The following SYCP2L variants were observed in gnomAD, a reference collection of about 807,000 sequenced individuals.
SYCP2L encodes synaptonemal complex protein 2-like.
In SYCP2L, 98 loss-of-function variants were observed where a neutral mutation model predicts 125.8. The observed-to-expected ratio is 0.78, with a 90% confidence interval of 0.66 to 0.92. The LOEUF (loss-of-function observed/expected upper bound fraction) is 0.92. Ranked by LOEUF, SYCP2L falls within the 40% of genes least tolerant of loss-of-function variation. SYCP2L has a pLI of 0.00. For synonymous variants in SYCP2L, 317 were observed against 325.4 expected (o/e 0.97, Z 0.28); for missense variants, 842 against 936.4 (o/e 0.90, Z 1.32).
intron 25 of SYCP2L, among the ~76,000 whole-genome samples, chr6:10,958,145 T>G: frequency 6.7e-6 from 1 of 150,044 alleles, no homozygotes; most frequent in Admixed American, 6.5e-5. Context: ...ATTCATTGTG[T>G]GTATTGGTAG....
At position 10,924,648 on chromosome 6, in the gene SYCP2L, G is replaced by A. The variant is rs1463925529; in HGVS notation, c.1218+7G>A. ...TTTAGGAGAAGACAAACAGGTGGCA[G>A]GTTTCATTCTTTTGGATTATTTAAA... On this transcript the variant is annotated splice_region_variant and intron_variant, in intron 15 of 29. Coordinates refer to ENST00000283141, the MANE Select transcript of SYCP2L (RefSeq NM_001040274.3). 9 of 1,543,904 alleles carry A rather than the reference G, an allele frequency of 5.8e-6. No individual in the cohort carries two copies. The highest frequency in any genetic ancestry group is 7.8e-6 in the Non-Finnish European group (9 of 1,154,244).
chr6:10,906,678 G>C (rs9393764), intron 9 of SYCP2L, among the ~76,000 whole-genome samples: 1 of 150,702 alleles, frequency 6.6e-6, no homozygotes, highest in Non-Finnish European at 1.5e-5. Flanking sequence ...GCTCACTGCA[G>C]CCTCCGCCTC....
At chr6:10,945,659 A>G (rs1313218407) in intron 23 of SYCP2L, among the ~76,000 whole-genome samples, 1 of 151,770 alleles carries the variant, frequency 6.6e-6, no homozygotes, top group Non-Finnish European at 1.5e-5. Context: ...AATCCCAGCT[A>G]CTTGGGAGGC....
chr6:10,903,373 C>T (rs1251217715), intron 8 of SYCP2L, among the ~76,000 whole-genome samples: 1 of 152,054 alleles, frequency 6.6e-6, no homozygotes, highest in Non-Finnish European at 1.5e-5. Context: ...ACAGTGAAAC[C>T]CTGTCTCCAC....
At chr6:10,969,502 AG>A (rs1327748988) in intron 29 of SYCP2L, among the ~76,000 whole-genome samples, 1 of 151,470 alleles carries the variant, frequency 6.6e-6, no homozygotes, top group Non-Finnish European at 1.5e-5. Context: ...CTGGGACTAC[AG>A]GCGCCCGCCA....
At chr6:10,921,561 T>C (rs2113340032) in intron 14 of SYCP2L, among the ~76,000 whole-genome samples, 1 of 152,312 alleles carries the variant, frequency 6.6e-6, no homozygotes, top group South Asian at 2.1e-4. Context: ...TTTTTAATAA[T>C]AGCCATTCTG....
chr6:10,934,325 A>G (rs1354036696), intron 20 of SYCP2L, among the ~76,000 whole-genome samples: 1 of 152,238 alleles, frequency 6.6e-6, no homozygotes, highest in African/African-American at 2.4e-5. Context: ...CAAAGAGTCA[A>G]GGTTTGAATC....
In SYCP2L at chr6:10,919,381, C is replaced by T. The variant is rs116532361; in HGVS notation, c.1073-5115C>T. Among the ~76,000 whole-genome samples, 341 of 152,096 alleles carry T rather than the reference C, an allele frequency of 2.2e-3. 3 individuals carry two copies. The highest frequency in any genetic ancestry group is 3.9e-3 in the Non-Finnish European group (268 of 68,020). ...GCCACCCAGCAAGTCTACTAGGCTC[C>T]GGGCTGGTACTGGGGGTTGTCTGTA... On this transcript the variant is annotated intron_variant, in intron 14 of 29. Transcript: ENST00000283141.
At position 10,898,817 on chromosome 6, in the gene SYCP2L, T is replaced by C; in HGVS notation, c.442-7T>C. On this transcript the variant is annotated splice_region_variant and splice_polypyrimidine_tract_variant and intron_variant, in intron 5 of 29. Transcript: ENST00000283141. ...TATGAGCTTTACTTTTTCTTTCTTTTTGTTAGATTATTTCCAGGAGTAGTA... is the reference window on the plus strand; with the variant it reads ...TATGAGCTTTACTTTTTCTTTCTTTCTGTTAGATTATTTCCAGGAGTAGTA... The C allele has an allele frequency of 7.2e-7, 1 of 1,392,442 alleles. No individual in the cohort carries two copies. Among genetic ancestry groups the C allele is most frequent in the South Asian group, 1.2e-5 (1 of 85,690 alleles). The allele number at this position is 1,392,442 out of a possible 1,614,324, so 86.3% of individuals were successfully genotyped here.
intron 28 of SYCP2L, among the ~76,000 whole-genome samples, chr6:10,962,375 A>G (rs1243747711): frequency 1.4e-5 from 2 of 146,282 alleles, no homozygotes; most frequent in South Asian, 4.2e-4. Context: ...ACAGTTAATG[A>G]TGATGACTGT....
At chr6:10,927,459 A>G (rs1630997) in intron 17 of SYCP2L, 92 bp downstream of exon 17, 1,018,016 of 1,026,670 alleles carry the variant, frequency 0.99, 504,868 homozygotes, top group East Asian at 1. Context: ...TTGGGCATCC[A>G]GGGGAGACAT....
chr6:10,951,667 GC>G (rs1043828007), intron 23 of SYCP2L, among the ~76,000 whole-genome samples: 6 of 152,116 alleles, frequency 3.9e-5, no homozygotes, highest in Non-Finnish European at 7.4e-5. Flanking sequence ...CAAAGTACTT[GC>G]CTTGGGAAAG....
At chr6:10,925,243 C>T (rs1291282945) in intron 15 of SYCP2L, among the ~76,000 whole-genome samples, 2 of 152,122 alleles carry the variant, frequency 1.3e-5, no homozygotes, top group Non-Finnish European at 2.9e-5. Flanking sequence ...AAGACCCATC[C>T]CCATGTTTCA....
Position 10,906,017 on chromosome 6 carries a change from CA to C in SYCP2L, c.642-2del. 1 of 1,595,372 alleles carries C rather than the reference CA, an allele frequency of 6.3e-7. No homozygotes were observed. The highest frequency in any genetic ancestry group is 1.1e-5 in the South Asian group (1 of 88,748). Reference sequence around the variant, plus strand: ...TTAAATGTGATTTATCTAAATGTTTCAGGAAAGACCTTGCAAGGACACTCTT... The same window carrying C: ...TTAAATGTGATTTATCTAAATGTTTCGGAAAGACCTTGCAAGGACACTCTT... On this transcript the variant is annotated splice_acceptor_variant, in intron 8 of 29. Coordinates refer to ENST00000283141, the MANE Select transcript of SYCP2L (RefSeq NM_001040274.3). LOFTEE classifies it high-confidence loss of function.
At position 10,954,449 on chromosome 6, in the gene SYCP2L, G is replaced by GTTCTC. The variant is rs1781464772; in HGVS notation, c.1955-667_1955-666insTTCTC. Among the ~76,000 whole-genome samples, 1 of 152,184 alleles carries GTTCTC rather than the reference G, an allele frequency of 6.6e-6. No individual in the cohort carries two copies. Among genetic ancestry groups the GTTCTC allele is most frequent in the Non-Finnish European group, 1.5e-5 (1 of 68,042 alleles). On this transcript the variant is annotated intron_variant, in intron 23 of 29. Coordinates refer to ENST00000283141, the MANE Select transcript of SYCP2L (RefSeq NM_001040274.3). This position sits in a 1 kb window ranked among gnomAD's most constrained non-coding sequence, Gnocchi z 4.8. ...CCATAGGCAGAACCTTGAGGATGGA[G>GTTCTC]GAGAAGCGGGCAGCAAAGAAAAGGA...
chr6:10,940,257 T>C (rs560079807), intron 21 of SYCP2L, among the ~76,000 whole-genome samples: 1 of 152,330 alleles, frequency 6.6e-6, no homozygotes, highest in East Asian at 1.9e-4. Context: ...GATGCAACTA[T>C]TGTGGAAAAC....
rs34273350 is a variant in SYCP2L at position 10,889,616 on chromosome 6, C to CT, written c.10-1876dup. ...TTCTCTCTACTTCTATGAGATCAGC[C>CT]TTTTTTTTTTTTTTTTTTTTTGAGA... On this transcript the variant is annotated intron_variant, in intron 1 of 29. Transcript: ENST00000283141. Among the ~76,000 whole-genome samples the CT allele has an allele frequency of 9.4e-3, 949 of 101,394 alleles. 20 individuals are homozygous for CT. The highest frequency in any genetic ancestry group is 0.016 in the Middle Eastern group (3 of 184). The allele number at this position is 101,394 out of a possible 152,430, so 66.5% of individuals were successfully genotyped here.
At chr6:10,964,832 G>A (rs1391346959) in intron 29 of SYCP2L, among the ~76,000 whole-genome samples, 1 of 152,190 alleles carries the variant, frequency 6.6e-6, no homozygotes, top group Non-Finnish European at 1.5e-5. Context: ...AGGTCTCTCT[G>A]AGGAAATGAC....
chr6:10,930,924 G>A (rs1393997907), intron 19 of SYCP2L, among the ~76,000 whole-genome samples: 1 of 152,212 alleles, frequency 6.6e-6, no homozygotes, highest in African/African-American at 2.4e-5. Flanking sequence ...TCTAATCCTG[G>A]CACTTTGGGA....
Sources: gnomAD v4.1 joint callset for allele counts (sites outside exome capture counted in the v4.1 genomes callset) on GRCh38, gnomAD v4.1.1 for gene constraint, Gnocchi (gnomAD v3.1) non-coding constraint, MANE v1.5 for transcripts, NCBI Gene and HGNC (gene_info 2026-07-23, HGNC 2026-07-21) for gene names.